PARG: variants seen among roughly 807,000 people sequenced by gnomAD.
The protein encoded by PARG is mitochondrial poly(ADP-ribose) glycohydrolase.
A neutral mutation model predicts 113.0 loss-of-function variants in PARG; 35 were observed. The observed-to-expected ratio is 0.31, with a 90% CI of 0.24 to 0.41. The LOEUF is 0.41. PARG is among the 10% of genes least tolerant of loss of function. The pLI is 1.00. For synonymous variants in PARG, 330 were observed against 409.9 expected, an observed-to-expected ratio of 0.81 and a Z score of 2.36; for missense variants, 797 against 1,169.4, an observed-to-expected ratio of 0.68 and a Z score of 4.64.
intron 9 of PARG, among the ~76,000 whole-genome samples, chr10:49,878,915 T>C (rs557904956): frequency 6.6e-6 from 1 of 151,670 alleles, no homozygotes; most frequent in Non-Finnish European, 1.5e-5. Context: ...AATTCTCAAG[T>C]GAAGAAAGAA....
chr10:49,907,611 G>A (rs1485484199), intron 7 of PARG, among the ~76,000 whole-genome samples: 1 of 151,998 alleles, frequency 6.6e-6, no homozygotes, highest in African/African-American at 2.4e-5. Context: ...TCCTTCCAGG[G>A]TTAAATATGA....
chr10:49,906,453 CA>C (rs1165366832), intron 7 of PARG, among the ~76,000 whole-genome samples: 1 of 152,036 alleles, frequency 6.6e-6, no homozygotes, highest in African/African-American at 2.4e-5. Flanking sequence ...TAGCCATTTT[CA>C]ATTGACCTAA....
intron 6 of PARG, among the ~76,000 whole-genome samples, chr10:49,920,545 T>C (rs1230156368): frequency 2.9e-5 from 4 of 139,060 alleles, no homozygotes; most frequent in Admixed American, 1.5e-4. Context: ...TATATACACA[T>C]ATATATACAT....
At chr10:49,831,309 C>G (rs1363676313) in intron 16 of PARG, among the ~76,000 whole-genome samples, 1 of 152,126 alleles carries the variant, frequency 6.6e-6, no homozygotes, top group African/African-American at 2.4e-5. Flanking sequence ...TACATTATGA[C>G]AGACTCAAGT....
chr10:49,827,926 T>C (rs1161220979), intron 16 of PARG, among the ~76,000 whole-genome samples: 2 of 151,930 alleles, frequency 1.3e-5, no homozygotes, highest in Non-Finnish European at 2.9e-5. Context: ...TACAATGTAA[T>C]AAAATTAGAC....
chr10:49,886,989 T>C (rs1418217431), intron 7 of PARG, among the ~76,000 whole-genome samples: 3 of 152,154 alleles, frequency 2.0e-5, no homozygotes, highest in Non-Finnish European at 4.4e-5. Context: ...TATGAAAATG[T>C]ATAAAATATA....
intron 4 of PARG, among the ~76,000 whole-genome samples, chr10:49,928,211 C>T (rs1253852710): frequency 6.6e-6 from 1 of 151,270 alleles, no homozygotes; most frequent in Non-Finnish European, 1.5e-5. Context: ...GCAGAGGTTG[C>T]AGTGAGCCGA....
intron 7 of PARG, among the ~76,000 whole-genome samples, chr10:49,886,580 G>C (rs1316930451): frequency 6.6e-6 from 1 of 152,168 alleles, no homozygotes; most frequent in Non-Finnish European, 1.5e-5. Flanking sequence ...TTAAACAAAA[G>C]ACAATTATTA....
rs1838591841 is a variant in PARG, at chr10:49,933,545, C to A, written c.903G>T (p.Glu301Asp). The A allele has an allele frequency of 1.2e-6, 2 of 1,610,186 alleles. No individual in the cohort carries two copies. The highest frequency in any genetic ancestry group is 2.2e-5 in the South Asian group (2 of 90,906). Residue 301 changes from glutamate (E) to aspartate (D), a missense_variant, in exon 3 of 18, where the codon GAG (glutamate) becomes GAT (aspartate). Transcript: ENST00000616448. ...SPPFEKESEPESPMDVDNSKN... is the reference protein window; with the variant it reads ...SPPFEKESEPDSPMDVDNSKN... ...TAGAATTATCCACATCCATCGGTGA[C>A]TCGGGTTCACTTTCCTTCTCAAATG...
In PARG at chr10:49,845,985, A is replaced by T. The variant is rs530343851; in HGVS notation, c.2354-2353T>A. On this transcript the variant is annotated intron_variant, in intron 13 of 17. Transcript: ENST00000616448. ...ACATCTATAAAATACTTTCACAGCA[A>T]TACCCGAATTAGTGTTTGACAGAAT... Among the ~76,000 whole-genome samples, 5 of 151,724 alleles carry T rather than the reference A, an allele frequency of 3.3e-5. No homozygotes were observed. In the South Asian group the frequency reaches 1.0e-3, roughly 32 times the overall value.
At chr10:49,919,451 T>TACTATTACTATTTCTATC (rs1414866785) in intron 6 of PARG, among the ~76,000 whole-genome samples, 4 of 152,242 alleles carry the variant, frequency 2.6e-5, no homozygotes, top group African/African-American at 9.6e-5. Context: ...TGAAGGCTAG[T>TACTATTACTATTTCTATC]ACTATTAATA....
intron 13 of PARG, among the ~76,000 whole-genome samples, chr10:49,854,681 A>G (rs1845906408): frequency 7.1e-6 from 1 of 141,478 alleles, no homozygotes; most frequent in African/African-American, 2.7e-5. Context: ...ACCTGCACAT[A>G]CAGCCCTTCA....
chr10:49,932,761 A>G (rs1237482040), intron 3 of PARG, among the ~76,000 whole-genome samples: 1 of 151,948 alleles, frequency 6.6e-6, no homozygotes, highest in Non-Finnish European at 1.5e-5. Flanking sequence ...TCTTACCCAA[A>G]TCTCAGTTAT....
chr10:49,929,555 C>T (rs1290501823), intron 4 of PARG, among the ~76,000 whole-genome samples: 5 of 152,200 alleles, frequency 3.3e-5, no homozygotes, highest in South Asian at 2.1e-4. Flanking sequence ...TGGCTGGGCG[C>T]GGTGGCTCAC....
At chr10:49,894,391 T>C (rs1554842251) in intron 7 of PARG, among the ~76,000 whole-genome samples, 1 of 152,024 alleles carries the variant, frequency 6.6e-6, no homozygotes, top group African/African-American at 2.4e-5. Flanking sequence ...GTCACAAGTA[T>C]TTATAAGTTT....
At chr10:49,891,746 C>T (rs1245705997) in intron 7 of PARG, among the ~76,000 whole-genome samples, 1 of 150,242 alleles carries the variant, frequency 6.7e-6, no homozygotes, top group Admixed American at 6.6e-5. Context: ...TCTCCTGCCT[C>T]AGCCTCCTGA....
intron 9 of PARG, among the ~76,000 whole-genome samples, chr10:49,879,030 C>T (rs1285499777): frequency 1.7e-4 from 26 of 152,270 alleles, no homozygotes; most frequent in Non-Finnish European, 3.4e-4. Context: ...ATAGAGAAAG[C>T]AGTCACCTGG....
chr10:49,821,139 A>G (rs879969309), intron 16 of PARG, among the ~76,000 whole-genome samples: 4 of 152,140 alleles, frequency 2.6e-5, no homozygotes, highest in Non-Finnish European at 4.4e-5. Flanking sequence ...AACACTGGAC[A>G]GTCACTCTCT....
At chr10:49,867,842 T>C (rs1308234432) in intron 10 of PARG, among the ~76,000 whole-genome samples, 1 of 151,968 alleles carries the variant, frequency 6.6e-6, no homozygotes, top group Non-Finnish European at 1.5e-5. Context: ...ACATACATGA[T>C]TTGACTCCCA....
Sources: gnomAD v4.1 joint callset for allele counts (sites outside exome capture counted in the v4.1 genomes callset) on GRCh38, gnomAD v4.1.1 for gene constraint, MANE v1.5 for transcripts, NCBI Gene and HGNC (gene_info 2026-07-23, HGNC 2026-07-21) for gene names.